JMJD1C: variants seen among roughly 807,000 people sequenced by gnomAD.
JMJD1C encodes jumonji domain-containing protein 1C.
JMJD1C carries 31 observed loss-of-function variants against 245.3 expected under a neutral mutation model. The ratio of observed to expected loss-of-function variants is 0.13; its 90% CI spans 0.09 to 0.17. The LOEUF is 0.17. Among genes scored for constraint, JMJD1C ranks in the 10% least tolerant of loss-of-function variants. The probability of loss-of-function intolerance (pLI) is 1.00; values close to 1 mark genes in which losing one functional copy is unlikely to be tolerated. For synonymous variants in JMJD1C, 1,057 were observed against 1,017.4 expected, an observed-to-expected ratio of 1.04 and a Z score of -0.74; for missense variants, 2,691 against 3,000.2, an observed-to-expected ratio of 0.90 and a Z score of 2.41.
chr10:63,418,985 G>C (rs7913558), intron 1 of JMJD1C, among the ~76,000 whole-genome samples: 3,055 of 151,384 alleles, frequency 0.02, 105 homozygotes, highest in African/African-American at 0.069. Context: ...GCTGAGGCAG[G>C]AGAATCGCCT....
chr10:63,516,015 A>T (rs2133299901), intron 1 of JMJD1C, among the ~76,000 whole-genome samples: 1 of 146,436 alleles, frequency 6.8e-6, no homozygotes, highest in East Asian at 1.9e-4. Context: ...TGCTATCAAG[A>T]ATATAATACC....
chr10:63,445,515 A>C (rs907159301), intron 1 of JMJD1C, among the ~76,000 whole-genome samples: 10 of 152,206 alleles, frequency 6.6e-5, no homozygotes, highest in African/African-American at 2.4e-4. Context: ...GCCAAGTAAG[A>C]GGGTAATAGA....
At chr10:63,424,559 T>A (rs1012308903) in intron 1 of JMJD1C, among the ~76,000 whole-genome samples, 2 of 112,586 alleles carry the variant, frequency 1.8e-5, no homozygotes, top group Non-Finnish European at 4.0e-5. Context: ...TGTGCTGGAG[T>A]ACAATGATGC....
intron 3 of JMJD1C, among the ~76,000 whole-genome samples, chr10:63,260,598 A>T (rs889951804): frequency 6.6e-6 from 1 of 150,566 alleles, no homozygotes; most frequent in African/African-American, 2.4e-5. Flanking sequence ...AAAAAAAACT[A>T]TTTTTTTTTG....
At chr10:63,182,199 A>C (rs1036374846) in intron 22 of JMJD1C, among the ~76,000 whole-genome samples, 10 of 152,238 alleles carry the variant, frequency 6.6e-5, no homozygotes, top group African/African-American at 2.4e-4. Flanking sequence ...TTTCACAGAA[A>C]GTGCATGTGA....
At position 63,465,595 on chromosome 10, in the gene JMJD1C, G is replaced by A. The variant is rs777210479; in HGVS notation, c.68C>T (p.Ala23Val). 24 of 1,609,504 alleles carry A rather than the reference G, an allele frequency of 1.5e-5. No homozygotes were observed. Among genetic ancestry groups the A allele is most frequent in the Non-Finnish European group, 1.8e-5 (21 of 1,179,906 alleles). ...TCCGCTCTCCCAGCGCTCCGAACGT[G>A]CCTCGTCGCCGACCGCCACACACAG... ...RFLCVAVGDE[A>V]RSERWESGRG... is the part of the protein sequence containing the mutation. The change falls in exon 1 of 26, where the codon GCA becomes GTA. Residue 23 changes from alanine (A) to valine (V), a missense_variant. This residue lies in a region of JMJD1C where 135 missense variants were observed against 115.5 expected (regional missense o/e 1.17). Transcript: ENST00000399262.
chr10:63,216,578 C>G (rs1486308864), intron 5 of JMJD1C, among the ~76,000 whole-genome samples: 2 of 152,014 alleles, frequency 1.3e-5, no homozygotes, highest in East Asian at 3.9e-4. Context: ...GGCGTGGTGG[C>G]GGGCGCCTGT....
At chr10:63,197,303 T>C (rs1387911883) in intron 13 of JMJD1C, 108 bp downstream of exon 13, 1 of 911,142 alleles carries the variant, frequency 1.1e-6, no homozygotes, top group African/African-American at 1.8e-5. Context: ...AAATACTTAA[T>C]ACATTAATAA....
intron 2 of JMJD1C, among the ~76,000 whole-genome samples, chr10:63,364,762 C>T (rs1206650873): frequency 2.6e-5 from 4 of 152,208 alleles, no homozygotes; most frequent in Non-Finnish European, 5.9e-5. Context: ...GCTGGGAGTA[C>T]AGGCCACCTC....
chr10:63,280,667 T>C (rs1227662441), intron 2 of JMJD1C, among the ~76,000 whole-genome samples: 1 of 152,234 alleles, frequency 6.6e-6, no homozygotes, highest in Non-Finnish European at 1.5e-5. Flanking sequence ...TCTAAGATTT[T>C]AATATTATCT....
intron 1 of JMJD1C, among the ~76,000 whole-genome samples, chr10:63,511,726 A>T (rs11527331): frequency 0.057 from 8,721 of 152,050 alleles, 277 homozygotes; most frequent in African/African-American, 0.079. Context: ...CAAAAAAAAA[A>T]AAATATATAC....
rs147083958 is a variant in JMJD1C at position 63,495,219 on chromosome 10, A to G, written n.113+26519T>C. ...AGGAACCAATGTTCTTTGTGAAAACAGTTGATTCCAGGTCTGGGTCAGGAC... is the reference window on the plus strand; with the variant it reads ...AGGAACCAATGTTCTTTGTGAAAACGGTTGATTCCAGGTCTGGGTCAGGAC... On this transcript the variant is annotated intron_variant and non_coding_transcript_variant, in intron 1 of 3. Transcript: ENST00000633035. 1.0e-3 allele frequency among the ~76,000 whole-genome samples: 154 copies of G among 152,050 alleles called. 1 individual carries two copies. The highest frequency in any genetic ancestry group is 1.7e-3 in the Non-Finnish European group (118 of 67,994).
At chr10:63,479,329 C>T (rs950711599) in intron 1 of JMJD1C, among the ~76,000 whole-genome samples, 10 of 149,942 alleles carry the variant, frequency 6.7e-5, no homozygotes, top group Non-Finnish European at 1.2e-4. Context: ...CGTATCATCT[C>T]ACCCAGGAAT....
chr10:63,374,479 C>T (rs1946561924), intron 2 of JMJD1C, among the ~76,000 whole-genome samples: 1 of 152,166 alleles, frequency 6.6e-6, no homozygotes, highest in African/African-American at 2.4e-5. Context: ...AACACCCCAA[C>T]ACTGACTGAG....
chr10:63,193,942 A>C (rs1365039718), intron 14 of JMJD1C, among the ~76,000 whole-genome samples: 2 of 152,258 alleles, frequency 1.3e-5, no homozygotes, highest in Non-Finnish European at 2.9e-5. Flanking sequence ...CTGGGATTAC[A>C]GGCGTGAGCC....
At chr10:63,277,727 A>ATTTATTTTT (rs1389505532) in intron 2 of JMJD1C, among the ~76,000 whole-genome samples, 1 of 83,166 alleles carries the variant, frequency 1.2e-5, no homozygotes. Context: ...AGTAATTTGC[A>ATTTATTTTT]TTTCTTTTTT....
intron 2 of JMJD1C, among the ~76,000 whole-genome samples, chr10:63,294,414 T>G (rs1389861867): frequency 1.3e-5 from 2 of 151,930 alleles, no homozygotes; most frequent in African/African-American, 4.8e-5. Context: ...GCCTCCTGAG[T>G]AGCTGGGACT....
chr10:63,201,968 A>C (rs1846064978), intron 10 of JMJD1C, among the ~76,000 whole-genome samples: 1 of 151,832 alleles, frequency 6.6e-6, no homozygotes, highest in African/African-American at 2.4e-5. Context: ...AAAGCAAGCT[A>C]TGTTGGGGTC....
At chr10:63,257,615 T>G (rs1242634932) in intron 3 of JMJD1C, among the ~76,000 whole-genome samples, 2 of 152,216 alleles carry the variant, frequency 1.3e-5, no homozygotes, top group Non-Finnish European at 2.9e-5. Context: ...AAAAATAATT[T>G]TGTACCTTAT....
Sources: allele counts gnomAD v4.1 joint callset (sites outside exome capture counted in the v4.1 genomes callset), GRCh38; gene constraint gnomAD v4.1.1; regional missense constraint gnomAD v4.1.1; transcripts MANE v1.5; gene names NCBI Gene and HGNC (gene_info 2026-07-23, HGNC 2026-07-21).